Variants in CDH18 observed in about 807,000 individuals in gnomAD.
CDH18 encodes the protein cadherin 18, also known as cadherin-18.
A neutral mutation model predicts 67.9 loss-of-function variants in CDH18; 31 were observed. The ratio of observed to expected loss-of-function variants is 0.46; its 90% confidence interval spans 0.34 to 0.62. The LOEUF is 0.62. Among genes scored for constraint, CDH18 ranks in the 20% least tolerant of loss-of-function variants. The pLI, the probability that CDH18 is intolerant of heterozygous loss-of-function variation, is 0.01. For synonymous variants in CDH18, 362 were observed against 347.2 expected (o/e 1.04, Z -0.48); for missense variants, 890 against 975.5 (o/e 0.91, Z 1.17).
intron 9 of CDH18, among the ~76,000 whole-genome samples, chr5:19,542,668 A>C (rs566286381): frequency 6.6e-6 from 1 of 152,280 alleles, no homozygotes; most frequent in East Asian, 1.9e-4. Flanking sequence ...ACAAAAGACT[A>C]CCTATTATAT....
chr5:19,938,324 T>C (rs1344376984), intron 2 of CDH18, among the ~76,000 whole-genome samples: 1 of 151,246 alleles, frequency 6.6e-6, no homozygotes, highest in African/African-American at 2.4e-5. Flanking sequence ...GACTTCAGAC[T>C]TCCTGACTGA....
intron 1 of CDH18, among the ~76,000 whole-genome samples, chr5:20,311,248 A>G (rs1471803511): frequency 6.6e-6 from 1 of 152,170 alleles, no homozygotes; most frequent in Non-Finnish European, 1.5e-5. Context: ...CGATTTCTCC[A>G]GCGTCTAGAA....
intron 2 of CDH18, among the ~76,000 whole-genome samples, chr5:19,897,617 C>T (rs986407676): frequency 2.0e-5 from 3 of 151,962 alleles, no homozygotes; most frequent in African/African-American, 4.8e-5. Flanking sequence ...GGCACATACA[C>T]GTATACCTAG....
intron 2 of CDH18, among the ~76,000 whole-genome samples, chr5:19,849,084 T>C (rs889386135): frequency 1.3e-5 from 2 of 152,010 alleles, no homozygotes; most frequent in East Asian, 3.9e-4. Flanking sequence ...CAAATAAATC[T>C]ACTATTTACA....
At chr5:20,178,973 G>C (rs972118842) in intron 2 of CDH18, among the ~76,000 whole-genome samples, 1 of 152,076 alleles carries the variant, frequency 6.6e-6, no homozygotes, top group Non-Finnish European at 1.5e-5. Flanking sequence ...AAAAGGGAAA[G>C]GACAGGTAAG....
At chr5:19,708,831 C>T (rs913301266) in intron 5 of CDH18, among the ~76,000 whole-genome samples, 3 of 152,192 alleles carry the variant, frequency 2.0e-5, no homozygotes, top group Admixed American at 2.0e-4. Flanking sequence ...GCTCTCAGCT[C>T]TGAAGGCTGT....
chr5:20,320,078 A>G (rs1035384909), intron 1 of CDH18, among the ~76,000 whole-genome samples: 2 of 152,054 alleles, frequency 1.3e-5, no homozygotes, highest in Non-Finnish European at 2.9e-5. Flanking sequence ...CCATATAAAT[A>G]TTGCTCCCTT....
chr5:19,680,098 A>G (rs1201657476), intron 5 of CDH18, among the ~76,000 whole-genome samples: 1 of 152,034 alleles, frequency 6.6e-6, no homozygotes, highest in Non-Finnish European at 1.5e-5. Flanking sequence ...AGATACATAG[A>G]CCAATGGAAA....
chr5:20,341,577 A>C (rs900258680), intron 1 of CDH18, among the ~76,000 whole-genome samples: 1 of 152,042 alleles, frequency 6.6e-6, no homozygotes, highest in African/African-American at 2.4e-5. Flanking sequence ...ACACTAATAT[A>C]GAACTAATAG....
rs531361070 is a variant in CDH18 at position 20,423,753 on chromosome 5, G to A, written c.-580+151709C>T. On this transcript the variant is annotated intron_variant, in intron 1 of 14. Transcript: ENST00000507958. ...GAGGTCAGAAGATCGAGACCATCCT[G>A]GCTAACACGGCGAAACTACGTCTCT... Among the ~76,000 whole-genome samples, 8 of 150,326 alleles carry A rather than the reference G, an allele frequency of 5.3e-5. No homozygotes were observed. In the South Asian group the frequency reaches 1.5e-3, roughly 27 times the overall value.
intron 2 of CDH18, among the ~76,000 whole-genome samples, chr5:20,057,527 C>T (rs1414082486): frequency 6.6e-6 from 1 of 152,040 alleles, no homozygotes; most frequent in East Asian, 1.9e-4. Context: ...GACACTGTTC[C>T]ATGCACTGGG....
intron 1 of CDH18, among the ~76,000 whole-genome samples, chr5:20,541,735 T>C (rs1400170373): frequency 6.6e-6 from 1 of 152,180 alleles, no homozygotes; most frequent in Non-Finnish European, 1.5e-5. Flanking sequence ...CAGCACCTCC[T>C]TGGAGTAACT....
intron 1 of CDH18, among the ~76,000 whole-genome samples, chr5:20,451,462 T>C (rs1000545761): frequency 6.6e-6 from 1 of 152,152 alleles, no homozygotes; most frequent in Non-Finnish European, 1.5e-5. Context: ...TTTACCAATT[T>C]GAAGTAAGTC....
chr5:20,269,056 T>TA (rs1249152518), intron 1 of CDH18, among the ~76,000 whole-genome samples: 3 of 151,982 alleles, frequency 2.0e-5, no homozygotes, highest in Non-Finnish European at 4.4e-5. Context: ...ATAATCCCAT[T>TA]AAAAATGGGC....
At chr5:20,286,871 T>C (rs539062481) in intron 1 of CDH18, among the ~76,000 whole-genome samples, 1 of 151,772 alleles carries the variant, frequency 6.6e-6, no homozygotes, top group African/African-American at 2.4e-5. Context: ...TTGAGTAAAA[T>C]AAAAGTCATT....
chr5:19,904,935 CAGTCTTAA>C (rs1238739503), intron 2 of CDH18, among the ~76,000 whole-genome samples: 1 of 152,078 alleles, frequency 6.6e-6, no homozygotes, highest in Non-Finnish European at 1.5e-5. Flanking sequence ...AAACAGAGTA[CAGTCTTAA>C]ATGCATGTCT....
At chr5:19,662,607 G>C (rs180814471) in intron 5 of CDH18, among the ~76,000 whole-genome samples, 2 of 151,958 alleles carry the variant, frequency 1.3e-5, no homozygotes, top group East Asian at 3.9e-4. Flanking sequence ...TAACTATCTA[G>C]TCTGTCTTTA....
intron 2 of CDH18, among the ~76,000 whole-genome samples, chr5:20,186,118 A>G (rs1346368007): frequency 6.6e-6 from 1 of 152,060 alleles, no homozygotes; most frequent in Non-Finnish European, 1.5e-5. Context: ...ATTGAATAAA[A>G]TTAGAACCTT....
chr5:19,993,802 G>A (rs550098094), intron 2 of CDH18, among the ~76,000 whole-genome samples: 1 of 151,970 alleles, frequency 6.6e-6, no homozygotes, highest in East Asian at 1.9e-4. Flanking sequence ...TGTTTCCCTG[G>A]AGAACCCTGA....
Sources: gnomAD v4.1 joint callset for allele counts (sites outside exome capture counted in the v4.1 genomes callset) on GRCh38, gnomAD v4.1.1 for gene constraint, MANE v1.5 for transcripts, NCBI Gene and HGNC (gene_info 2026-07-23, HGNC 2026-07-21) for gene names.